The following CDK8 variants were observed in gnomAD, a reference collection of about 807,000 sequenced individuals.
The protein encoded by CDK8 is cyclin-dependent kinase 8.
In CDK8, 29 loss-of-function variants were observed where a neutral mutation model predicts 71.5. The ratio of observed to expected loss-of-function variants is 0.41; its 90% CI spans 0.30 to 0.55. CDK8 has a LOEUF of 0.55. CDK8 is among the 20% of genes least tolerant of loss of function. CDK8 has a pLI of 0.37. For missense variants in CDK8, 288 were observed against 572.6 expected, an observed-to-expected ratio of 0.50 and a Z score of 5.07; for synonymous variants, 161 against 192.1, an observed-to-expected ratio of 0.84 and a Z score of 1.34.
At chr13:26,364,948 T>C (rs1874319454) in intron 4 of CDK8, among the ~76,000 whole-genome samples, 1 of 152,162 alleles carries the variant, frequency 6.6e-6, no homozygotes, top group Non-Finnish European at 1.5e-5. Context: ...TTTTTCCTTA[T>C]CTGTGCTGTA....
intron 1 of CDK8, among the ~76,000 whole-genome samples, chr13:26,283,847 G>A (rs764335744): frequency 1.3e-5 from 2 of 148,438 alleles, no homozygotes; most frequent in South Asian, 4.2e-4. Flanking sequence ...GCAGTGAGCC[G>A]AGATCATGCC....
intron 4 of CDK8, among the ~76,000 whole-genome samples, chr13:26,380,150 G>A (rs1377683411): frequency 6.6e-6 from 1 of 152,122 alleles, no homozygotes; most frequent in Non-Finnish European, 1.5e-5. Flanking sequence ...ATGTAGGAGT[G>A]GGGGAGGACC....
intron 1 of CDK8, among the ~76,000 whole-genome samples, chr13:26,282,573 T>A (rs1257162569): frequency 6.6e-6 from 1 of 152,208 alleles, no homozygotes; most frequent in African/African-American, 2.4e-5. Context: ...GAGTTCTAAA[T>A]GTTGAAGCAA....
At chr13:26,402,231 A>G (rs572451020) in intron 12 of CDK8, among the ~76,000 whole-genome samples, 10 of 152,342 alleles carry the variant, frequency 6.6e-5, no homozygotes, top group African/African-American at 2.4e-4. Flanking sequence ...TAACTTTCAC[A>G]TGGATCCCCA....
intron 10 of CDK8, 113 bp downstream of exon 10, chr13:26,400,663 C>A (rs1236445421): frequency 5.7e-6 from 4 of 705,930 alleles, no homozygotes; most frequent in East Asian, 2.5e-5. Flanking sequence ...CCAAGGAAAT[C>A]CTTTATGACA....
At chr13:26,289,534 A>G (rs1314136034) in intron 1 of CDK8, among the ~76,000 whole-genome samples, 3 of 152,104 alleles carry the variant, frequency 2.0e-5, no homozygotes, top group African/African-American at 7.2e-5. Context: ...TCTTATATCT[A>G]GCCATCTTGA....
rs1167888754 is a variant in CDK8 at position 26,254,198 on chromosome 13, AGTGT to A, written c.-442_-439del. The A allele has an allele frequency of 4.1e-6, 1 of 242,716 alleles. No homozygotes were observed. Among genetic ancestry groups the A allele is most frequent in the Non-Finnish European group, 8.0e-6 (1 of 124,250 alleles). The allele number at this position is 242,716 out of a possible 1,614,324, so 15.0% of individuals were successfully genotyped here. The stretch of plus-strand genomic sequence containing the variant: ...GTATGGGAGAGTGAGTGAGTGAGTG[AGTGT>A]GAGCGTGTGTGTGAGAGCGTGAGGC... On this transcript the variant is annotated 5_prime_UTR_variant, in exon 1 of 13. Transcript: ENST00000381527. This position sits in a 1 kb window ranked among gnomAD's most constrained non-coding sequence, Gnocchi z 6.7.
intron 4 of CDK8, among the ~76,000 whole-genome samples, chr13:26,378,365 G>T (rs981085585): frequency 6.6e-6 from 1 of 152,176 alleles, no homozygotes; most frequent in African/African-American, 2.4e-5. Context: ...GCTTCTGCCA[G>T]AATGGTTGTC....
chr13:26,367,425 T>G (rs1874442948), intron 4 of CDK8, among the ~76,000 whole-genome samples: 1 of 152,032 alleles, frequency 6.6e-6, no homozygotes, highest in Non-Finnish European at 1.5e-5. Flanking sequence ...GAGGAAAAAT[T>G]AAGCCCCTGT....
At chr13:26,290,661 G>A (rs1250366471) in intron 1 of CDK8, among the ~76,000 whole-genome samples, 2 of 152,092 alleles carry the variant, frequency 1.3e-5, no homozygotes, top group African/African-American at 4.8e-5. Flanking sequence ...TCACTGATTA[G>A]TTGACGTTGA....
At position 26,404,140 on chromosome 13, in the gene CDK8, T is replaced by C. The variant is rs1876403005; in HGVS notation, c.*59T>C. Reference sequence around the variant, plus strand: ...AATGCTGCAGGGCTGACTGTGCAGCTCTCTGCGGGAACCTGGTATGGGCCA... The same window carrying C: ...AATGCTGCAGGGCTGACTGTGCAGCCCTCTGCGGGAACCTGGTATGGGCCA... On this transcript the variant is annotated 3_prime_UTR_variant, in exon 13 of 13. Transcript: ENST00000381527. 1.9e-6 allele frequency: 3 copies of C among 1,591,332 alleles called. No homozygotes were observed. The highest frequency in any genetic ancestry group is 3.4e-5 in the Admixed American group (2 of 59,128).
intron 1 of CDK8, among the ~76,000 whole-genome samples, chr13:26,271,736 G>C (rs1872328604): frequency 1.3e-5 from 2 of 150,750 alleles, no homozygotes; most frequent in Admixed American, 1.3e-4. Flanking sequence ...CTTGAGTCCA[G>C]GAGCTTGAGG....
At chr13:26,319,932 T>G (rs1239510681) in intron 1 of CDK8, among the ~76,000 whole-genome samples, 1 of 152,152 alleles carries the variant, frequency 6.6e-6, no homozygotes, top group South Asian at 2.1e-4. Context: ...TATGGTCAAA[T>G]GATTTTTTTA....
chr13:26,358,072 G>C (rs1873971191), intron 4 of CDK8, among the ~76,000 whole-genome samples: 1 of 151,944 alleles, frequency 6.6e-6, no homozygotes, highest in South Asian at 2.1e-4. Flanking sequence ...GAGGCGGGCA[G>C]ATCATGAGGT....
intron 1 of CDK8, among the ~76,000 whole-genome samples, chr13:26,293,323 C>G (rs889500517): frequency 6.6e-6 from 1 of 152,016 alleles, no homozygotes; most frequent in Non-Finnish European, 1.5e-5. Context: ...TGTATATTGG[C>G]TGGGCATGGT....
chr13:26,336,711 A>G (rs531420376), intron 1 of CDK8, among the ~76,000 whole-genome samples: 31 of 151,630 alleles, frequency 2.0e-4, no homozygotes, highest in African/African-American at 5.6e-4. Context: ...CCGCCACCAC[A>G]CCCGGCTAAT....
At chr13:26,308,481 T>G (rs1874139793) in intron 1 of CDK8, among the ~76,000 whole-genome samples, 1 of 152,260 alleles carries the variant, frequency 6.6e-6, no homozygotes, top group South Asian at 2.1e-4. Flanking sequence ...ATCTGCAAAA[T>G]GGGCCACTTG....
At chr13:26,264,613 C>T (rs1485276744) in intron 1 of CDK8, among the ~76,000 whole-genome samples, 1 of 152,136 alleles carries the variant, frequency 6.6e-6, no homozygotes, top group African/African-American at 2.4e-5. Flanking sequence ...AGTTCATCAC[C>T]AGACTGCAGT....
At chr13:26,336,710 C>T (rs1364850146) in intron 1 of CDK8, among the ~76,000 whole-genome samples, 2 of 152,070 alleles carry the variant, frequency 1.3e-5, no homozygotes, top group Non-Finnish European at 1.5e-5. Flanking sequence ...CCCGCCACCA[C>T]ACCCGGCTAA....
Sources: allele counts gnomAD v4.1 joint callset (sites outside exome capture counted in the v4.1 genomes callset), GRCh38; gene constraint gnomAD v4.1.1; non-coding constraint Gnocchi (gnomAD v3.1); transcripts MANE v1.5; gene names NCBI Gene and HGNC (gene_info 2026-07-23, HGNC 2026-07-21).